CLPX: variants seen among roughly 807,000 people sequenced by gnomAD.
CLPX encodes caseinolytic mitochondrial matrix peptidase chaperone subunit X, also known as ATP-dependent clpX-like chaperone, mitochondrial.
CLPX carries 34 observed loss-of-function variants against 76.4 expected under a neutral mutation model. The ratio of observed to expected loss-of-function variants is 0.45; its 90% CI spans 0.34 to 0.59. The LOEUF is 0.59. Ranked by LOEUF, CLPX falls within the 20% of genes least tolerant of loss-of-function variation. CLPX has a pLI of 0.01. For synonymous variants in CLPX, 248 were observed against 270.9 expected (o/e 0.92, Z 0.83); for missense variants, 613 against 757.0 (o/e 0.81, Z 2.23).
At chr15:65,159,969 C>T (rs2087833110) in intron 6 of CLPX, among the ~76,000 whole-genome samples, 1 of 152,062 alleles carries the variant, frequency 6.6e-6, no homozygotes, top group South Asian at 2.1e-4. Context: ...CACGCCACCA[C>T]ACCTGGCTAA....
At chr15:65,170,021 A>G (rs921522444) in intron 3 of CLPX, among the ~76,000 whole-genome samples, 1 of 152,042 alleles carries the variant, frequency 6.6e-6, no homozygotes, top group Non-Finnish European at 1.5e-5. Flanking sequence ...TCAGCCTCCC[A>G]AAGTGCTGGG....
At chr15:65,153,747 C>T in intron 11 of CLPX, 108 bp from the exon 12 acceptor site, 1 of 585,350 alleles carries the variant, frequency 1.7e-6, no homozygotes, top group East Asian at 3.3e-5. Flanking sequence ...GGAACCCTGC[C>T]TTCAAGAAGC....
At chr15:65,167,177 TCTC>T (rs1213528984) in intron 3 of CLPX, among the ~76,000 whole-genome samples, 2 of 152,116 alleles carry the variant, frequency 1.3e-5, no homozygotes, top group African/African-American at 4.8e-5. Context: ...TTCAAGCAAT[TCTC>T]CTGCCTCAGT....
chr15:65,184,729 G>A (rs16948539), intron 1 of CLPX, among the ~76,000 whole-genome samples: 3,456 of 152,374 alleles, frequency 0.023, 117 homozygotes, highest in African/African-American at 0.076. Context: ...GGCGGTCCCC[G>A]GCAGGGCTGA....
rs551962246 is a variant in CLPX, at chr15:65,155,050, C to T, written c.1343G>A (p.Gly448Glu). 6.2e-7 allele frequency: 1 copy of T among 1,613,908 alleles called. No individual in the cohort carries two copies. Among genetic ancestry groups the T allele is most frequent in the African/African-American group, 1.3e-5 (1 of 75,016 alleles). Reference protein sequence around the residue: ...YLGFGTPSNLGKGRRAAAAAD... With the variant: ...YLGFGTPSNLEKGRRAAAAAD... ...AGCAGCTGCAGCCCTTCTGCCTTTTCCCAGATTAGATGGTGTTCCAAATCC... is the reference window on the plus strand; with the variant it reads ...AGCAGCTGCAGCCCTTCTGCCTTTTTCCAGATTAGATGGTGTTCCAAATCC... Residue 448 changes from glycine to glutamate, a missense_variant, in exon 11 of 14, where the codon GGA becomes GAA. By Grantham distance (98) the Gly-to-Glu change is moderately conservative (BLOSUM62 -2). Coordinates refer to ENST00000300107, the MANE Select transcript of CLPX (RefSeq NM_006660.5).
At chr15:65,161,478 A>T (rs995808496) in intron 6 of CLPX, among the ~76,000 whole-genome samples, 1 of 152,218 alleles carries the variant, frequency 6.6e-6, no homozygotes, top group Non-Finnish European at 1.5e-5. Flanking sequence ...AATAAATTTA[A>T]GCTTTTGAAA....
chr15:65,152,305 A>G, intron 13 of CLPX, 125 bp downstream of exon 13: 2 of 392,790 alleles, frequency 5.1e-6, no homozygotes, highest in Non-Finnish European at 9.0e-6. Flanking sequence ...AGAAAACTTG[A>G]GATTATTGCT....
At position 65,173,389 on chromosome 15, in the gene CLPX, AAGAC is replaced by A. The variant is rs1461372199; in HGVS notation, c.358+5541_358+5544del. On this transcript the variant is annotated intron_variant, in intron 3 of 13. Transcript: ENST00000300107. ...TCAAAAAAAAAAAAAAAAAAAAAAG[AAGAC>A]AGACAGACAAGTGGTAAAAAGGATG... 7.8e-4 allele frequency among the ~76,000 whole-genome samples: 117 copies of A among 149,984 alleles called. 1 individual carries two copies. Among genetic ancestry groups the A allele is most frequent in the African/African-American group, 2.3e-3 (95 of 40,674 alleles).
rs568420488 is a variant in CLPX, at chr15:65,175,373, C to T, written c.358+3561G>A. On this transcript the variant is annotated intron_variant, in intron 3 of 13. Transcript: ENST00000300107. Reference sequence around the variant, plus strand: ...TGGTGGTGGGCACCTGTAATCCCAGCTACTTGGGAGGCTGCGGCTGAGGCA... The same window carrying T: ...TGGTGGTGGGCACCTGTAATCCCAGTTACTTGGGAGGCTGCGGCTGAGGCA... Among the ~76,000 whole-genome samples, 48 of 152,236 alleles carry T rather than the reference C, an allele frequency of 3.2e-4. 1 individual carries two copies. In the South Asian group the frequency reaches 9.7e-3, roughly 31 times the overall value.
At chr15:65,175,507 T>C (rs1266258962) in intron 3 of CLPX, among the ~76,000 whole-genome samples, 4 of 151,860 alleles carry the variant, frequency 2.6e-5, no homozygotes, top group Non-Finnish European at 5.9e-5. Flanking sequence ...AGAAAAACAA[T>C]AGAAACAAAA....
intron 3 of CLPX, among the ~76,000 whole-genome samples, chr15:65,175,466 A>G (rs547646992): frequency 6.6e-6 from 1 of 152,316 alleles, no homozygotes; most frequent in Admixed American, 6.5e-5. Context: ...ACTGCACTCC[A>G]GCCTGGGTGA....
At chr15:65,156,326 T>C (rs545450125) in intron 9 of CLPX, among the ~76,000 whole-genome samples, 1 of 152,358 alleles carries the variant, frequency 6.6e-6, no homozygotes, top group Non-Finnish European at 1.5e-5. Flanking sequence ...AGTGTGATTA[T>C]ACCTATGTCT....
intron 3 of CLPX, among the ~76,000 whole-genome samples, chr15:65,168,945 C>T (rs1048230927): frequency 1.3e-5 from 2 of 151,536 alleles, no homozygotes; most frequent in African/African-American, 4.8e-5. Flanking sequence ...CAGTCTTGAC[C>T]TCCTAAGCTC....
chr15:65,161,490 ATT>A (rs199994895), intron 6 of CLPX, among the ~76,000 whole-genome samples: 1,738 of 152,298 alleles, frequency 0.011, 11 homozygotes, highest in Non-Finnish European at 0.018. Flanking sequence ...CTTTTGAAAT[ATT>A]TGTTTCTAAG....
intron 3 of CLPX, among the ~76,000 whole-genome samples, chr15:65,175,642 A>ATGAAATC (rs1327509323): frequency 6.6e-6 from 1 of 152,196 alleles, no homozygotes; most frequent in Non-Finnish European, 1.5e-5. Context: ...GCACCCCTAC[A>ATGAAATC]TGAAATCTGA....
chr15:65,160,551 C>G (rs1202076512), intron 6 of CLPX, among the ~76,000 whole-genome samples: 1 of 149,540 alleles, frequency 6.7e-6, no homozygotes, highest in Non-Finnish European at 1.5e-5. Context: ...TTAGATGTAG[C>G]TTCAGATCAG....
rs928991741 is a variant in CLPX, at chr15:65,184,624, G to A, written c.79+451C>T. ...CCCGAGTCCTGGGGGACCCTAGTAG[G>A]GACAGATCCTCAGCCGAGCCCCTCC... On this transcript the variant is annotated intron_variant, in intron 1 of 13. Coordinates refer to ENST00000300107, the MANE Select transcript of CLPX (RefSeq NM_006660.5). 135 of 193,610 alleles carry A rather than the reference G, an allele frequency of 7.0e-4. 1 individual carries two copies. The highest frequency in any genetic ancestry group is 3.0e-3 in the African/African-American group (128 of 42,130). 12.0% of individuals were successfully genotyped at this position (193,610 alleles called of 1,614,324 possible).
chr15:65,181,368 G>A (rs1478784041), intron 1 of CLPX, among the ~76,000 whole-genome samples: 1 of 152,072 alleles, frequency 6.6e-6, no homozygotes, highest in South Asian at 2.1e-4. Flanking sequence ...TGATGGCAAT[G>A]GTTGCACAGT....
chr15:65,168,666 G>A (rs1245441446), intron 3 of CLPX, among the ~76,000 whole-genome samples: 1 of 151,264 alleles, frequency 6.6e-6, no homozygotes, highest in Non-Finnish European at 1.5e-5. Context: ...GTTAACGGGT[G>A]CAGCACACCA....
Sources: gnomAD v4.1 joint callset for allele counts (sites outside exome capture counted in the v4.1 genomes callset) on GRCh38, gnomAD v4.1.1 for gene constraint, MANE v1.5 for transcripts, NCBI Gene and HGNC (gene_info 2026-07-23, HGNC 2026-07-21) for gene names.